Variants in ULK4 observed in about 807,000 individuals in gnomAD.
ULK4 encodes the protein unc-51 like kinase 4, also known as inactive serine/threonine-protein kinase ULK4.
In ULK4, 133 loss-of-function variants were observed where a neutral mutation model predicts 160.6. The ratio of observed to expected loss-of-function variants is 0.83; its 90% CI spans 0.72 to 0.96. The LOEUF is 0.96. Ranked by LOEUF, ULK4 falls within the 40% of genes least tolerant of loss-of-function variation. The probability of loss-of-function intolerance (pLI) is 0.00; values close to 1 mark genes in which losing one functional copy is unlikely to be tolerated. For missense variants in ULK4, 1,580 were observed against 1,499.5 expected (o/e 1.05, Z -0.89); for synonymous variants, 534 against 539.8 (o/e 0.99, Z 0.15).
chr3:41,883,946 G>C lies in ULK4; in HGVS notation c.1584C>G (p.Ala528=). Residue 528 remains alanine, a synonymous_variant, in exon 17 of 37, where the codon GCC becomes GCG. Coordinates refer to ENST00000301831, the MANE Select transcript of ULK4 (RefSeq NM_017886.4). ...LRIAPNWDIR[A]KVAHVIGLLA... ...GTAAACCAATTACGTGAGCAACCTT[G>C]GCCCGTCTGTAAATGGAGAGAAAAC... The C allele has an allele frequency of 3.1e-6, 5 of 1,608,946 alleles. No homozygotes were observed. Among genetic ancestry groups the C allele is most frequent in the Non-Finnish European group, 4.3e-6 (5 of 1,175,154 alleles).
At chr3:41,719,852 T>C (rs937228511) in intron 22 of ULK4, among the ~76,000 whole-genome samples, 9 of 152,176 alleles carry the variant, frequency 5.9e-5, no homozygotes, top group Admixed American at 4.6e-4. Flanking sequence ...AAACTCCCTA[T>C]CATGAACTTC....
intron 25 of ULK4, among the ~76,000 whole-genome samples, chr3:41,706,398 A>ATTT (rs2036887553): frequency 6.2e-5 from 9 of 144,394 alleles, no homozygotes; most frequent in Non-Finnish European, 1.0e-4. Context: ...ATATATATTA[A>ATTT]ATATATATAA....
chr3:41,420,994 G>A (rs1399381324), intron 34 of ULK4, among the ~76,000 whole-genome samples: 1 of 151,872 alleles, frequency 6.6e-6, no homozygotes, highest in Non-Finnish European at 1.5e-5. Context: ...CATGGCTGTA[G>A]TCGCAGCTAT....
chr3:41,456,312 A>T (rs993207790), intron 33 of ULK4, among the ~76,000 whole-genome samples: 1 of 152,164 alleles, frequency 6.6e-6, no homozygotes, highest in Admixed American at 6.5e-5. Flanking sequence ...AGGAGTGACA[A>T]AGCCAGAGGA....
intron 20 of ULK4, among the ~76,000 whole-genome samples, chr3:41,799,714 T>A (rs893534872): frequency 1.3e-5 from 2 of 151,834 alleles, no homozygotes; most frequent in Admixed American, 1.3e-4. Context: ...TACAAAAAAA[T>A]AAGCCAGGCC....
At chr3:41,351,659 C>T (rs967774000) in intron 35 of ULK4, among the ~76,000 whole-genome samples, 2 of 152,204 alleles carry the variant, frequency 1.3e-5, no homozygotes, top group East Asian at 1.9e-4. Flanking sequence ...GAGGCTTTCT[C>T]CTTGGGACAA....
chr3:41,599,118 C>T (rs2031885218), intron 31 of ULK4, among the ~76,000 whole-genome samples: 1 of 152,232 alleles, frequency 6.6e-6, no homozygotes, highest in Admixed American at 6.5e-5. Flanking sequence ...CCTTCTTCCA[C>T]ATCTGAAGAA....
At chr3:41,548,401 G>A (rs779594938) in intron 32 of ULK4, among the ~76,000 whole-genome samples, 7 of 151,960 alleles carry the variant, frequency 4.6e-5, no homozygotes, top group Non-Finnish European at 8.8e-5. Flanking sequence ...ATCACCCTGA[G>A]CAAGCACATA....
chr3:41,257,193 A>G (rs1365323923), intron 35 of ULK4, among the ~76,000 whole-genome samples: 3 of 152,218 alleles, frequency 2.0e-5, no homozygotes, highest in Non-Finnish European at 4.4e-5. Context: ...ACTGCAGTGC[A>G]ATACCTATTA....
intron 32 of ULK4, among the ~76,000 whole-genome samples, chr3:41,519,518 TCAGTTGGGACACCACA>T (rs2085859099): frequency 6.6e-6 from 1 of 152,208 alleles, no homozygotes; most frequent in Non-Finnish European, 1.5e-5. Context: ...TTGATGTTCC[TCAGTTGGGACACCACA>T]CAGTTGTCCT....
In ULK4 at chr3:41,523,234, T is replaced by G. The variant is rs76604223; in HGVS notation, c.3226+42791A>C. Among the ~76,000 whole-genome samples, 991 of 152,260 alleles carry G rather than the reference T, an allele frequency of 6.5e-3. 13 individuals carry two copies. Among genetic ancestry groups the G allele is most frequent in the African/African-American group, 0.022 (934 of 41,562 alleles). On this transcript the variant is annotated intron_variant, in intron 32 of 36. Transcript: ENST00000301831. ...CCAGACCAAGTTTTATTCATTTTGG[T>G]GGCCCTAAAAGAATCCAGCACATAA...
intron 30 of ULK4, among the ~76,000 whole-genome samples, chr3:41,635,134 T>C (rs1192911211): frequency 6.6e-6 from 1 of 152,208 alleles, no homozygotes; most frequent in Non-Finnish European, 1.5e-5. Context: ...ATGGTACTTT[T>C]ATTGCATATA....
chr3:41,875,992 A>G (rs1008619196), intron 17 of ULK4, among the ~76,000 whole-genome samples: 1 of 152,042 alleles, frequency 6.6e-6, no homozygotes. Flanking sequence ...GGTTCAACCT[A>G]AATCTAATGA....
chr3:41,382,493 T>A (rs984494855), intron 35 of ULK4, among the ~76,000 whole-genome samples: 1 of 152,226 alleles, frequency 6.6e-6, no homozygotes, highest in Non-Finnish European at 1.5e-5. Context: ...CTGTTGTCAT[T>A]ATTTACCATA....
intron 2 of ULK4, among the ~76,000 whole-genome samples, chr3:41,953,304 ATTTTTTTT>A (rs60007502): frequency 8.0e-6 from 1 of 124,812 alleles, no homozygotes; most frequent in Non-Finnish European, 1.6e-5. Flanking sequence ...ATATATATAT[ATTTTTTTT>A]TTTTTTTGAG....
chr3:41,490,154 T>A (rs1328477112), intron 32 of ULK4, among the ~76,000 whole-genome samples: 1 of 152,202 alleles, frequency 6.6e-6, no homozygotes, highest in Non-Finnish European at 1.5e-5. Flanking sequence ...TCACTATATA[T>A]GTAGCTGGTT....
chr3:41,599,240 A>C (rs1247089954), intron 31 of ULK4, among the ~76,000 whole-genome samples: 1 of 152,168 alleles, frequency 6.6e-6, no homozygotes, highest in African/African-American at 2.4e-5. Flanking sequence ...GGATGAGCTA[A>C]TGTTTAGGTC....
chr3:41,670,740 C>G (rs1347430461), intron 29 of ULK4, among the ~76,000 whole-genome samples: 1 of 151,882 alleles, frequency 6.6e-6, no homozygotes, highest in Non-Finnish European at 1.5e-5. Flanking sequence ...TCAATTAGAT[C>G]AACAGCAAAT....
chr3:41,719,591 T>C (rs2371623), intron 22 of ULK4, among the ~76,000 whole-genome samples: 47,514 of 151,916 alleles, frequency 0.31, 10,833 homozygotes, highest in African/African-American at 0.65. Flanking sequence ...TTTTCTCTCA[T>C]TTCCCATATT....
Sources: allele counts gnomAD v4.1 joint callset (sites outside exome capture counted in the v4.1 genomes callset), GRCh38; gene constraint gnomAD v4.1.1; transcripts MANE v1.5; gene names NCBI Gene and HGNC (gene_info 2026-07-23, HGNC 2026-07-21).